STAT1: variants seen among roughly 807,000 people sequenced by gnomAD.
The protein encoded by STAT1 is signal transducer and activator of transcription 1, also known as signal transducer and activator of transcription 1-alpha/beta.
In STAT1, 24 loss-of-function variants were observed where a neutral mutation model predicts 111.7. The observed-to-expected ratio is 0.21, with a 90% CI of 0.16 to 0.30. The LOEUF (loss-of-function observed/expected upper bound fraction) is 0.30, where lower values mean the gene tolerates loss of function less well. Ranked by LOEUF, STAT1 falls within the 10% of genes least tolerant of loss-of-function variation. The pLI is 1.00. For synonymous variants in STAT1, 332 were observed against 326.5 expected (o/e 1.02, Z -0.18); for missense variants, 351 against 911.9 (o/e 0.38, Z 7.92).
Position 190,971,835 on chromosome 2 carries a change from C to T in STAT1, c.2239-1118G>A, listed in dbSNP as rs547465486. On this transcript the variant is annotated intron_variant, in intron 24 of 24. Transcript: ENST00000361099. The surrounding 1 kb of genome is among the most constrained non-coding windows in gnomAD (Gnocchi z 4.1). Reference sequence around the variant, plus strand: ...TCAAGCGATCCTCCTGCCTCAGCCCCCCTAGTAGCTGGGATTACAGGCACA... The same window carrying T: ...TCAAGCGATCCTCCTGCCTCAGCCCTCCTAGTAGCTGGGATTACAGGCACA... 6.6e-5 allele frequency among the ~76,000 whole-genome samples: 10 copies of T among 152,178 alleles called. No homozygotes were observed. The highest frequency in any genetic ancestry group is 1.7e-4 in the African/African-American group (7 of 41,510).
At chr2:191,008,247 AAC>A (rs1553499454) in intron 4 of STAT1, among the ~76,000 whole-genome samples, 1 of 151,980 alleles carries the variant, frequency 6.6e-6, no homozygotes, top group African/African-American at 2.4e-5. Flanking sequence ...AAGGAAAAAA[AAC>A]AACTTCCAAT....
chr2:190,995,314 T>C lies in STAT1; in HGVS notation c.786-95A>G. On this transcript the variant is annotated intron_variant, in intron 9 of 24. Transcript: ENST00000361099. The surrounding 1 kb of genome is among the most constrained non-coding windows in gnomAD (Gnocchi z 4.2). ...ATGGTATATTAGTCCATTCTCATGCTGCTAATAAAGACATACTCGAGACTG... is the reference window on the plus strand; with the variant it reads ...ATGGTATATTAGTCCATTCTCATGCCGCTAATAAAGACATACTCGAGACTG... 1 of 1,246,960 alleles carries C rather than the reference T, an allele frequency of 8.0e-7. No individual in the cohort carries two copies. The highest frequency in any genetic ancestry group is 1.2e-6 in the Non-Finnish European group (1 of 853,912). 77.2% of individuals were successfully genotyped at this position (1,246,960 alleles called of 1,614,324 possible). A position where few individuals can be genotyped will look rare whatever the true frequency, so the allele number is the denominator to read the frequency against.
chr2:190,977,072 G>C lies in STAT1; in HGVS notation c.1874-47C>G. On this transcript the variant is annotated intron_variant, in intron 21 of 24. Transcript: ENST00000361099. This position sits in a 1 kb window ranked among gnomAD's most constrained non-coding sequence, Gnocchi z 4.7. Reference sequence around the variant, plus strand: ...TAAATCCCATAGAACATCCCAAAATGAAAGAGGACAGAGAAATAAAACACT... The same window carrying C: ...TAAATCCCATAGAACATCCCAAAATCAAAGAGGACAGAGAAATAAAACACT... The C allele has an allele frequency of 6.3e-7, 1 of 1,585,498 alleles. No individual in the cohort carries two copies. Among genetic ancestry groups the C allele is most frequent in the East Asian group, 2.2e-5 (1 of 44,684 alleles).
At chr2:191,001,020 T>A in intron 6 of STAT1, 54 bp downstream of exon 6, 1 of 1,446,498 alleles carries the variant, frequency 6.9e-7, no homozygotes, top group Non-Finnish European at 9.7e-7. Context: ...ATTGAAACCT[T>A]TTTTCCCCTA....
rs746912416 is a variant in STAT1 at position 191,001,194 on chromosome 2, C to T, written c.373-31G>A. ...ATGGGAAGGGCATGATTATAGCCAT[C>T]GTTTTCTTCAGGGTGTGTACTTGCT... On this transcript the variant is annotated intron_variant, in intron 5 of 24. Coordinates refer to ENST00000361099, the MANE Select transcript of STAT1 (RefSeq NM_007315.4). The T allele has an allele frequency of 6.3e-5, 99 of 1,569,706 alleles. 1 individual carries two copies. The South Asian group carries it at 1.0e-3, about 16-fold the overall frequency.
At chr2:190,988,561 G>A (rs4853534) in intron 12 of STAT1, among the ~76,000 whole-genome samples, 41,050 of 151,924 alleles carry the variant, frequency 0.27, 7,508 homozygotes, top group African/African-American at 0.49. Context: ...TGTATTTTTC[G>A]TAGAGACGGG....
Position 191,008,720 on chromosome 2 carries a change from T to C in STAT1, c.273+243A>G, listed in dbSNP as rs139265392. Among the ~76,000 whole-genome samples, 387 of 152,354 alleles carry C rather than the reference T, an allele frequency of 2.5e-3. 3 individuals carry two copies. Among genetic ancestry groups the C allele is most frequent in the African/African-American group, 8.6e-3 (359 of 41,598 alleles). ...TTATAGCATCACATTTTTCTCAGGATTACTGATACCTAAGAGGTGATACAT... is the reference window on the plus strand; with the variant it reads ...TTATAGCATCACATTTTTCTCAGGACTACTGATACCTAAGAGGTGATACAT... On this transcript the variant is annotated intron_variant, in intron 4 of 24. Coordinates refer to ENST00000361099, the MANE Select transcript of STAT1 (RefSeq NM_007315.4).
In STAT1 at chr2:190,981,475, T is replaced by G. The variant is rs535155816; in HGVS notation, c.1583-806A>C. Among the ~76,000 whole-genome samples the G allele has an allele frequency of 2.0e-5, 3 of 152,236 alleles. No homozygotes were observed. Among genetic ancestry groups the G allele is most frequent in the Non-Finnish European group, 2.9e-5 (2 of 68,036 alleles). On this transcript the variant is annotated intron_variant, in intron 18 of 24. Transcript: ENST00000361099. This position sits in a 1 kb window ranked among gnomAD's most constrained non-coding sequence, Gnocchi z 4.1. ...GCGAGAAGAGGCGGTAAGCCCATTA[T>G]CGGTCTTCAAAGAGAACTACAAATG...
rs368794768 is a variant in STAT1 at position 190,986,441 on chromosome 2, G to A, written c.1221+413C>T. Among the ~76,000 whole-genome samples the A allele has an allele frequency of 3.3e-5, 5 of 152,210 alleles. No homozygotes were observed. The East Asian group carries it at 7.7e-4, about 23-fold the overall frequency. ...GCTGGCGTGGAGGCAGGGGCTGTGGGCAGGGCCACCAGGAAGGGGAACACG... is the reference window on the plus strand; with the variant it reads ...GCTGGCGTGGAGGCAGGGGCTGTGGACAGGGCCACCAGGAAGGGGAACACG... On this transcript the variant is annotated intron_variant, in intron 14 of 24. Transcript: ENST00000361099. The surrounding 1 kb of genome is among the most constrained non-coding windows in gnomAD (Gnocchi z 5.0).
chr2:190,971,860 A>G lies in STAT1; in HGVS notation c.2239-1143T>C, dbSNP rs538392996. ...CCCTAGTAGCTGGGATTACAGGCAC[A>G]CACCACCATGGCTGGCTAATTTTTG... On this transcript the variant is annotated intron_variant, in intron 24 of 24. Transcript: ENST00000361099. This position sits in a 1 kb window ranked among gnomAD's most constrained non-coding sequence, Gnocchi z 4.1. 6.6e-6 allele frequency among the ~76,000 whole-genome samples: 1 copy of G among 151,974 alleles called. No individual in the cohort carries two copies. The highest frequency in any genetic ancestry group is 2.4e-5 in the African/African-American group (1 of 41,380).
rs1692954198 is a variant in STAT1, at chr2:190,987,600, AG to A, written c.1098-533del. On this transcript the variant is annotated intron_variant, in intron 12 of 24. Transcript: ENST00000361099. This position sits in a 1 kb window ranked among gnomAD's most constrained non-coding sequence, Gnocchi z 4.0. ...TCTTTAATGCTCTCATGAAAGTACC[AG>A]GAAAGTCAGTTATCTGGGGAAAGTG... 1.3e-5 allele frequency among the ~76,000 whole-genome samples: 2 copies of A among 152,224 alleles called. 1 individual carries two copies. Among genetic ancestry groups the A allele is most frequent in the South Asian group, 4.1e-4 (2 of 4,834 alleles).
In STAT1 at chr2:190,971,995, G is replaced by A. The variant is rs1018418590; in HGVS notation, c.2239-1278C>T. Among the ~76,000 whole-genome samples the A allele has an allele frequency of 2.0e-5, 3 of 152,142 alleles. No homozygotes were observed. The highest frequency in any genetic ancestry group is 7.2e-5 in the African/African-American group (3 of 41,422). On this transcript the variant is annotated intron_variant, in intron 24 of 24. Transcript: ENST00000361099. This position sits in a 1 kb window ranked among gnomAD's most constrained non-coding sequence, Gnocchi z 4.1. The stretch of plus-strand genomic sequence containing the variant: ...CCCAAAATGTTGAGATTACAGGCGT[G>A]AGCCACCGCGCCCGGCCTGGCTGAT...
At chr2:191,011,320 A>G (rs2125106875) in intron 2 of STAT1, among the ~76,000 whole-genome samples, 1 of 152,272 alleles carries the variant, frequency 6.6e-6, no homozygotes, top group East Asian at 1.9e-4. Context: ...ATAAGGATCT[A>G]CCTAAAGCAG....
rs1179506259 is a variant in STAT1, at chr2:190,972,245, TTAGTA to T, written c.2239-1533_2239-1529del. Among the ~76,000 whole-genome samples the T allele has an allele frequency of 1.3e-5, 2 of 152,324 alleles. 1 individual carries two copies. Among genetic ancestry groups the T allele is most frequent in the East Asian group, 3.9e-4 (2 of 5,186 alleles). The stretch of plus-strand genomic sequence containing the variant: ...AAATTAGATGGCATACGTAAAATGT[TTAGTA>T]TAGTAGACAGAAAGTAGTAGACAAT... On this transcript the variant is annotated intron_variant, in intron 24 of 24. Transcript: ENST00000361099.
intron 15 of STAT1, 116 bp downstream of exon 15, chr2:190,985,503 C>T (rs560756883): frequency 9.7e-7 from 1 of 1,034,074 alleles, no homozygotes; most frequent in East Asian, 2.4e-5. Context: ...TCCTTTGCTG[C>T]TCTTCCCTGA....
chr2:191,011,486 G>A (rs987208421), intron 2 of STAT1, among the ~76,000 whole-genome samples: 1 of 152,148 alleles, frequency 6.6e-6, no homozygotes, highest in African/African-American at 2.4e-5. Flanking sequence ...GCAGTGGAGC[G>A]CAGTTCACTG....
At chr2:191,013,785 T>G (rs953334950) in intron 1 of STAT1, 107 bp from the exon 2 acceptor site, 12 of 397,440 alleles carry the variant, frequency 3.0e-5, no homozygotes, top group Non-Finnish European at 4.4e-5. Context: ...ATTTCACAAG[T>G]CCTCTTCACT....
chr2:190,994,959 A>ATATATATAT (rs1559017192), intron 10 of STAT1, 102 bp downstream of exon 10: 4 of 461,772 alleles, frequency 8.7e-6, no homozygotes, highest in African/African-American at 8.2e-5. Flanking sequence ...TATATATATA[A>ATATATATAT]AAAACACCTA....
In STAT1 at chr2:190,995,634, G is replaced by A. The variant is rs1022534053; in HGVS notation, c.786-415C>T. On this transcript the variant is annotated intron_variant, in intron 9 of 24. Coordinates refer to ENST00000361099, the MANE Select transcript of STAT1 (RefSeq NM_007315.4). This position sits in a 1 kb window ranked among gnomAD's most constrained non-coding sequence, Gnocchi z 4.2. Reference sequence around the variant, plus strand: ...CAAGGTGAGATTTGGGTGGGGACACGGCCAAACCATATGGCATGGAAACCA... The same window carrying A: ...CAAGGTGAGATTTGGGTGGGGACACAGCCAAACCATATGGCATGGAAACCA... Among the ~76,000 whole-genome samples, 3 of 152,142 alleles carry A rather than the reference G, an allele frequency of 2.0e-5. No individual in the cohort carries two copies. Among genetic ancestry groups the A allele is most frequent in the Admixed American group, 6.5e-5 (1 of 15,288 alleles).
Sources: allele counts gnomAD v4.1 joint callset (sites outside exome capture counted in the v4.1 genomes callset), GRCh38; gene constraint gnomAD v4.1.1; non-coding constraint Gnocchi (gnomAD v3.1); transcripts MANE v1.5; gene names NCBI Gene and HGNC (gene_info 2026-07-23, HGNC 2026-07-21).